Variants in UBAC2 observed in about 807,000 individuals in gnomAD.
UBAC2 encodes the protein ubiquitin-associated domain-containing protein 2.
In UBAC2, 26 loss-of-function variants were observed where a neutral mutation model predicts 44.0. That is an observed-to-expected ratio of 0.59 (90% CI 0.43 to 0.82). UBAC2 has a LOEUF of 0.82. UBAC2 is among the 40% of genes least tolerant of loss of function. The pLI is 0.00. For missense variants in UBAC2, 329 were observed against 419.4 expected (o/e 0.78, Z 1.88); for synonymous variants, 155 against 154.3 (o/e 1.00, Z -0.04).
chr13:99,306,302 T>C (rs1332007025), intron 4 of UBAC2, among the ~76,000 whole-genome samples: 2 of 152,152 alleles, frequency 1.3e-5, no homozygotes, highest in African/African-American at 4.8e-5. Flanking sequence ...GACAGTTTTT[T>C]AGCACTTATA....
At chr13:99,230,043 A>G (rs1365183506) in intron 1 of UBAC2, among the ~76,000 whole-genome samples, 1 of 152,212 alleles carries the variant, frequency 6.6e-6, no homozygotes, top group African/African-American at 2.4e-5. Context: ...CAATGTGACA[A>G]AATATCCCTG....
rs761094881 is a variant in UBAC2 at position 99,215,593 on chromosome 13, C to T, written c.31+14654C>T. On this transcript the variant is annotated intron_variant, in intron 1 of 8. Transcript: ENST00000403766. ...GCGGTGAGGTACTCCAGGATGGCTG[C>T]GCTGTACACAGCGGCAGTTGCACCC... 1.1e-5 allele frequency: 15 copies of T among 1,341,158 alleles called. No individual in the cohort carries two copies. In the East Asian group the frequency reaches 1.6e-4, roughly 14 times the overall value. The allele number at this position is 1,341,158 out of a possible 1,614,324, so 83.1% of individuals were successfully genotyped here.
intron 1 of UBAC2, among the ~76,000 whole-genome samples, chr13:99,220,453 C>T (rs1169950691): frequency 6.6e-6 from 1 of 152,124 alleles, no homozygotes; most frequent in East Asian, 1.9e-4. Flanking sequence ...TAGGATAATA[C>T]GTAGTCACCC....
intron 4 of UBAC2, among the ~76,000 whole-genome samples, chr13:99,307,022 T>C (rs2044346690): frequency 6.6e-6 from 1 of 152,232 alleles, no homozygotes; most frequent in East Asian, 1.9e-4. Flanking sequence ...TCCTGAAATA[T>C]TGGCATTATT....
At chr13:99,215,621 A>G (rs2042983319) in intron 1 of UBAC2, 6 of 1,323,080 alleles carry the variant, frequency 4.5e-6, no homozygotes, top group Non-Finnish European at 5.4e-6. Flanking sequence ...TTGCACCCAC[A>G]TGTCTGTGAC....
At chr13:99,342,127 A>AT (rs888855060) in intron 7 of UBAC2, among the ~76,000 whole-genome samples, 3 of 152,154 alleles carry the variant, frequency 2.0e-5, no homozygotes, top group Non-Finnish European at 4.4e-5. Flanking sequence ...ATCAGTATCT[A>AT]TGGGGGCGGG....
At chr13:99,237,149 C>A (rs1322156459) in intron 1 of UBAC2, among the ~76,000 whole-genome samples, 1 of 152,006 alleles carries the variant, frequency 6.6e-6, no homozygotes, top group African/African-American at 2.4e-5. Flanking sequence ...AGCCATCAGG[C>A]CCGGCCTTCT....
At chr13:99,297,983 T>G (rs889150466) in intron 4 of UBAC2, among the ~76,000 whole-genome samples, 1 of 152,050 alleles carries the variant, frequency 6.6e-6, no homozygotes, top group African/African-American at 2.4e-5. Flanking sequence ...AATTCAATAT[T>G]AATAGGAATA....
chr13:99,208,549 A>G (rs765045993), intron 1 of UBAC2, among the ~76,000 whole-genome samples: 11 of 152,218 alleles, frequency 7.2e-5, no homozygotes, highest in Non-Finnish European at 1.5e-4. Flanking sequence ...GTCCAGTTCA[A>G]TATATTAACA....
At chr13:99,241,918 G>A (rs61063734) in intron 2 of UBAC2, among the ~76,000 whole-genome samples, 1 of 149,660 alleles carries the variant, frequency 6.7e-6, no homozygotes, top group Non-Finnish European at 1.5e-5. Flanking sequence ...GGGTACTTGA[G>A]ATTAGGGAGT....
At position 99,234,171 on chromosome 13, in the gene UBAC2, C is replaced by CTTTTTTTTTTTTT. The variant is rs773370310; in HGVS notation, c.32-4239_32-4227dup. 9.7e-5 allele frequency among the ~76,000 whole-genome samples: 6 copies of CTTTTTTTTTTTTT among 61,682 alleles called. 2 individuals carry two copies. Among genetic ancestry groups the CTTTTTTTTTTTTT allele is most frequent in the African/African-American group, 3.4e-4 (5 of 14,594 alleles). 40.5% of individuals were successfully genotyped at this position (61,682 alleles called of 152,430 possible). On this transcript the variant is annotated intron_variant, in intron 1 of 8. Coordinates refer to ENST00000403766, the MANE Select transcript of UBAC2 (RefSeq NM_001144072.2). ...GGGCCGGACATTGTGCTAGCCGTTT[C>CTTTTTTTTTTTTT]TTTTTTTTTTTTTTTTTTTTTTTTT...
At position 99,378,591 on chromosome 13, in the gene UBAC2, G is replaced by C. The variant is rs1447557649; in HGVS notation, c.928-6637G>C. Among the ~76,000 whole-genome samples, 9 of 152,182 alleles carry C rather than the reference G, an allele frequency of 5.9e-5. No homozygotes were observed. In the East Asian group the frequency reaches 1.7e-3, roughly 29 times the overall value. ...TTCTGGCTTACTGACAGACTCGAAG[G>C]TATATTTTTTACCTGTTAGGAGGTC... On this transcript the variant is annotated intron_variant, in intron 8 of 8. Coordinates refer to ENST00000403766, the MANE Select transcript of UBAC2 (RefSeq NM_001144072.2).
At chr13:99,344,200 G>A (rs182920699) in intron 7 of UBAC2, among the ~76,000 whole-genome samples, 35 of 152,332 alleles carry the variant, frequency 2.3e-4, no homozygotes, top group Middle Eastern at 3.4e-3. Context: ...GCTCAGGGGA[G>A]TGCTTGCTTG....
At position 99,238,421 on chromosome 13, in the gene UBAC2, C is replaced by T; in HGVS notation, c.32-6C>T. 1.2e-6 allele frequency: 2 copies of T among 1,611,898 alleles called. No homozygotes were observed. Among genetic ancestry groups the T allele is most frequent in the South Asian group, 1.1e-5 (1 of 90,936 alleles). On this transcript the variant is annotated splice_polypyrimidine_tract_variant and splice_region_variant and intron_variant, in intron 1 of 8. Transcript: ENST00000403766. The stretch of plus-strand genomic sequence containing the variant: ...ATTCTGAAAGTGCTTTCCTTTTTCC[C>T]TCCAGACAAGGCGCCTCTGTCGAAG...
At chr13:99,259,781 A>AT in intron 4 of UBAC2, among the ~76,000 whole-genome samples, 1 of 152,354 alleles carries the variant, frequency 6.6e-6, no homozygotes, top group South Asian at 2.1e-4. Flanking sequence ...CTTTTCTAAA[A>AT]TTAAGTATTG....
chr13:99,257,143 T>G (rs1443869532), intron 4 of UBAC2, among the ~76,000 whole-genome samples: 1 of 152,094 alleles, frequency 6.6e-6, no homozygotes, highest in East Asian at 1.9e-4. Flanking sequence ...TCTCAAATAT[T>G]TAGGTTAAAT....
intron 4 of UBAC2, among the ~76,000 whole-genome samples, chr13:99,276,804 G>A (rs555593763): frequency 1.0e-3 from 152 of 152,348 alleles, no homozygotes; most frequent in African/African-American, 3.5e-3. Context: ...TTATGAAGAA[G>A]AAAAGGCACT....
intron 1 of UBAC2, chr13:99,201,204 C>G: frequency 7.0e-7 from 1 of 1,426,870 alleles, no homozygotes; most frequent in Non-Finnish European, 9.2e-7. Flanking sequence ...CCAGGAGTCT[C>G]TTGGGGCCGC....
At chr13:99,339,698 G>A (rs2044854627) in intron 6 of UBAC2, among the ~76,000 whole-genome samples, 1 of 151,536 alleles carries the variant, frequency 6.6e-6, no homozygotes, top group South Asian at 2.1e-4. Flanking sequence ...ATCATAGGAA[G>A]CCTTGAGACT....
Sources: allele counts gnomAD v4.1 joint callset (sites outside exome capture counted in the v4.1 genomes callset), GRCh38; gene constraint gnomAD v4.1.1; transcripts MANE v1.5; gene names NCBI Gene and HGNC (gene_info 2026-07-23, HGNC 2026-07-21).